MLXIP: variants seen among roughly 807,000 people sequenced by gnomAD.
MLXIP encodes MLX-interacting protein.
In MLXIP, 30 loss-of-function variants were observed where a neutral mutation model predicts 87.2. That is an observed-to-expected ratio of 0.34 (90% CI 0.26 to 0.47). MLXIP has a LOEUF of 0.47. Among genes scored for constraint, MLXIP ranks in the 20% least tolerant of loss-of-function variants. The probability of loss-of-function intolerance (pLI) is 1.00; values close to 1 mark genes in which losing one functional copy is unlikely to be tolerated. For missense variants in MLXIP, 1,002 were observed against 1,240.1 expected, an observed-to-expected ratio of 0.81 and a Z score of 2.88; for synonymous variants, 530 against 514.0, an observed-to-expected ratio of 1.03 and a Z score of -0.42.
intron 4 of MLXIP, 126 bp downstream of exon 4, chr12:122,129,352 A>G (rs1477194131): frequency 3.0e-6 from 3 of 985,176 alleles, no homozygotes; most frequent in Non-Finnish European, 4.7e-6. Flanking sequence ...TCAAGCAGTA[A>G]ATCTGGGGCC....
intron 1 of MLXIP, among the ~76,000 whole-genome samples, chr12:122,100,566 G>T (rs1049298281): frequency 6.6e-6 from 1 of 152,202 alleles, no homozygotes; most frequent in South Asian, 2.1e-4. Flanking sequence ...TCATTGTTAA[G>T]GTATATTGAA....
intron 16 of MLXIP, 22 bp from the exon 17 acceptor site, chr12:122,141,669 T>C (rs766407728): frequency 1.9e-6 from 3 of 1,612,202 alleles, no homozygotes; most frequent in Non-Finnish European, 1.7e-6. Flanking sequence ...ACTGCCTGTG[T>C]CTGACCCTTT....
At chr12:122,108,551 G>C (rs1047350398) in intron 1 of MLXIP, among the ~76,000 whole-genome samples, 1 of 151,890 alleles carries the variant, frequency 6.6e-6, no homozygotes, top group African/African-American at 2.4e-5. Context: ...TTCAAGTTTT[G>C]TTCATAATTA....
At chr12:122,129,375 C>G in intron 4 of MLXIP, 149 bp downstream of exon 4, 1 of 910,076 alleles carries the variant, frequency 1.1e-6, no homozygotes, top group Non-Finnish European at 1.7e-6. Flanking sequence ...GCGTGCCAGA[C>G]TAGCCTGGGC....
rs913991697 is a variant in MLXIP at position 122,133,901 on chromosome 12, G to A, written c.1646G>A (p.Gly549Asp). 10 of 1,609,196 alleles carry A rather than the reference G, an allele frequency of 6.2e-6. No individual in the cohort carries two copies. The highest frequency in any genetic ancestry group is 1.1e-5 in the South Asian group (1 of 90,174). Residue 549 changes from glycine to aspartate, a missense_variant, in exon 9 of 17, where the codon GGC (glycine) becomes GAC (aspartate). Coordinates refer to ENST00000319080, the MANE Select transcript of MLXIP (RefSeq NM_014938.6). This position sits in a 1 kb window ranked among gnomAD's most constrained non-coding sequence, Gnocchi z 4.9. The part of the protein sequence containing the change: ...VHPKPVSLTG[G>D]RPKQPHKIVP... ...CCCAAACCTGTATCCTTGACTGGGG[G>A]CAGGCCTAAGCAGCCCCACAAAATA...
intron 1 of MLXIP, among the ~76,000 whole-genome samples, chr12:122,094,908 G>GT (rs1952325725): frequency 6.7e-6 from 1 of 148,740 alleles, no homozygotes; most frequent in Non-Finnish European, 1.5e-5. Context: ...GTGTGGGTAT[G>GT]TGTGTGCATT....
intron 1 of MLXIP, among the ~76,000 whole-genome samples, chr12:122,081,394 A>T (rs757594672): frequency 2.6e-5 from 4 of 152,098 alleles, no homozygotes; most frequent in African/African-American, 4.8e-5. Context: ...TTTGGTATGG[A>T]TGACAGACAA....
At chr12:122,122,634 C>T (rs1279457270) in intron 1 of MLXIP, among the ~76,000 whole-genome samples, 3 of 152,050 alleles carry the variant, frequency 2.0e-5, no homozygotes, top group South Asian at 4.1e-4. Context: ...CTCCGCCTCC[C>T]AGGTTCACGC....
intron 1 of MLXIP, among the ~76,000 whole-genome samples, chr12:122,097,348 T>C (rs1952369446): frequency 6.6e-6 from 1 of 152,124 alleles, no homozygotes. Flanking sequence ...GGGCCAGGTT[T>C]GGTGGCTCAC....
At chr12:122,108,096 G>C (rs1473818806) in intron 1 of MLXIP, among the ~76,000 whole-genome samples, 1 of 152,080 alleles carries the variant, frequency 6.6e-6, no homozygotes, top group East Asian at 1.9e-4. Context: ...AGGGCCGAAA[G>C]GGGTGGTTCA....
chr12:122,139,277 A>C (rs1157991752), intron 15 of MLXIP, among the ~76,000 whole-genome samples: 1 of 152,234 alleles, frequency 6.6e-6, no homozygotes, highest in African/African-American at 2.4e-5. Flanking sequence ...CCTGGCAGCC[A>C]GCTCGGTCCT....
chr12:122,145,641 G>C lies in MLXIP; in HGVS notation c.*3829G>C, dbSNP rs952222459. 6.6e-6 allele frequency: 1 copy of C among 152,552 alleles called. No homozygotes were observed. The highest frequency in any genetic ancestry group is 2.4e-5 in the African/African-American group (1 of 41,460). 9.4% of individuals were successfully genotyped at this position (152,552 alleles called of 1,614,324 possible). On this transcript the variant is annotated 3_prime_UTR_variant, in exon 17 of 17. Transcript: ENST00000319080. The stretch of plus-strand genomic sequence containing the variant: ...CCAAGGCCCTAGCTGGCCCCCGGGT[G>C]AACCTGAGGTGGCAGGTTCAGGTTT...
chr12:122,127,236 C>T lies in MLXIP; in HGVS notation c.414-20C>T, dbSNP rs748180771. ...TTTCAGAGTAACCACTGAGTCTCCCCGCTTTGCCTTGCCTTTCAGTGGGAA... is the reference window on the plus strand; with the variant it reads ...TTTCAGAGTAACCACTGAGTCTCCCTGCTTTGCCTTGCCTTTCAGTGGGAA... On this transcript the variant is annotated intron_variant, in intron 1 of 16. Coordinates refer to ENST00000319080, the MANE Select transcript of MLXIP (RefSeq NM_014938.6). 167 of 1,589,796 alleles carry T rather than the reference C, an allele frequency of 1.1e-4. No individual in the cohort carries two copies. Among genetic ancestry groups the T allele is most frequent in the East Asian group, 1.3e-4 (6 of 44,718 alleles).
At position 122,078,798 on chromosome 12, in the gene MLXIP, G is replaced by C. The variant is rs1952046691; in HGVS notation, c.-56G>C. The C allele has an allele frequency of 9.7e-7, 1 of 1,026,382 alleles. No individual in the cohort carries two copies. Among genetic ancestry groups the C allele is most frequent in the Non-Finnish European group, 1.2e-6 (1 of 858,914 alleles). 63.6% of individuals were successfully genotyped at this position (1,026,382 alleles called of 1,614,324 possible). On this transcript the variant is annotated 5_prime_UTR_variant, in exon 1 of 17. Transcript: ENST00000319080. ...GGCCGGGCCGGCGCCCCTCTGCCTC[G>C]CGCGCTTGTCGCGTTGCCCCGGGCT...
At chr12:122,114,876 G>C (rs960500279) in intron 1 of MLXIP, among the ~76,000 whole-genome samples, 1 of 151,780 alleles carries the variant, frequency 6.6e-6, no homozygotes, top group Non-Finnish European at 1.5e-5. Flanking sequence ...CTCCTGAGTA[G>C]CTGGGATTAC....
chr12:122,123,838 T>G (rs1593099650), intron 1 of MLXIP, among the ~76,000 whole-genome samples: 1 of 152,192 alleles, frequency 6.6e-6, no homozygotes, highest in East Asian at 1.9e-4. Context: ...TAGCTAGGAC[T>G]ACAGACGCAT....
At chr12:122,140,437 T>C (rs541092788) in intron 15 of MLXIP, among the ~76,000 whole-genome samples, 33 of 152,080 alleles carry the variant, frequency 2.2e-4, no homozygotes, top group African/African-American at 6.5e-4. Flanking sequence ...GCTGGGATTA[T>C]AGGCACCCAC....
chr12:122,099,366 C>A (rs533608272), intron 1 of MLXIP, among the ~76,000 whole-genome samples: 2 of 152,136 alleles, frequency 1.3e-5, no homozygotes, highest in East Asian at 1.9e-4. Context: ...TGGCAGCCAG[C>A]GGGCATCCTG....
chr12:122,105,745 A>T (rs1262013818), intron 1 of MLXIP, among the ~76,000 whole-genome samples: 1 of 151,672 alleles, frequency 6.6e-6, no homozygotes, highest in Non-Finnish European at 1.5e-5. Flanking sequence ...GTGCCACTGC[A>T]GTCCGGCCTG....
Sources: allele counts gnomAD v4.1 joint callset (sites outside exome capture counted in the v4.1 genomes callset), GRCh38; gene constraint gnomAD v4.1.1; non-coding constraint Gnocchi (gnomAD v3.1); transcripts MANE v1.5; gene names NCBI Gene and HGNC (gene_info 2026-07-23, HGNC 2026-07-21).